FXYD6: variants seen among roughly 807,000 people sequenced by gnomAD.
FXYD6 encodes the protein FXYD domain containing ion transport regulator 6.
Under a neutral mutation model 16.7 loss-of-function variants are expected in FXYD6, and 7 were observed. That is an observed-to-expected ratio of 0.42 (90% CI 0.24 to 0.79). The LOEUF is 0.79. Among genes scored for constraint, FXYD6 ranks in the 30% least tolerant of loss-of-function variants. FXYD6 has a pLI of 0.28. For synonymous variants in FXYD6, 49 were observed against 43.0 expected, an observed-to-expected ratio of 1.14 and a Z score of -0.54; for missense variants, 111 against 116.2, an observed-to-expected ratio of 0.95 and a Z score of 0.21.
chr11:117,858,505 A>C (rs1023353429), intron 1 of FXYD6, among the ~76,000 whole-genome samples: 2 of 151,876 alleles, frequency 1.3e-5, no homozygotes, highest in Admixed American at 6.6e-5. Context: ...ACTCAGCCTC[A>C]CACCCCCAAC....
rs1425549790 is a variant in FXYD6 at position 117,876,636 on chromosome 11, G to C, written c.-50C>G. On this transcript the variant is annotated 5_prime_UTR_variant, in exon 1 of 8. Coordinates refer to ENST00000526014, the MANE Select transcript of FXYD6 (RefSeq NM_022003.4). ...CGAGACTCCCAGGAGGACCCGCCGAGTCCCGAGGAGCCTGGGAGTGGCGGG... is the reference window on the plus strand; with the variant it reads ...CGAGACTCCCAGGAGGACCCGCCGACTCCCGAGGAGCCTGGGAGTGGCGGG... 1 of 152,282 alleles carries C rather than the reference G, an allele frequency of 6.6e-6. No homozygotes were observed. 9.4% of individuals were successfully genotyped at this position (152,282 alleles called of 1,614,324 possible).
intron 1 of FXYD6, among the ~76,000 whole-genome samples, chr11:117,847,219 T>C (rs1422903664): frequency 1.3e-5 from 2 of 152,210 alleles, no homozygotes; most frequent in Non-Finnish European, 2.9e-5. Flanking sequence ...TCCAATAATC[T>C]TGTTAAACTC....
At chr11:117,842,923 A>G in intron 1 of FXYD6, 142 bp from the exon 2 acceptor site, 1 of 813,232 alleles carries the variant, frequency 1.2e-6, no homozygotes, top group South Asian at 1.6e-5. Context: ...AAACAACCTA[A>G]GCACAAGCAG....
intron 1 of FXYD6, among the ~76,000 whole-genome samples, chr11:117,876,053 T>C (rs2134225281): frequency 6.6e-6 from 1 of 152,200 alleles, no homozygotes; most frequent in East Asian, 1.9e-4. Flanking sequence ...CCCCGAGCGC[T>C]AGAATCCTTC....
rs578034374 is a variant in FXYD6, at chr11:117,847,630, T to C, written c.-5-4849A>G. The stretch of plus-strand genomic sequence containing the variant: ...CATGCGGTGTTTGGTTTTTTTGTCC[T>C]TATGATAGTTTTCTGAGAATGATGG... On this transcript the variant is annotated intron_variant, in intron 1 of 7. Transcript: ENST00000526014. 3.3e-5 allele frequency among the ~76,000 whole-genome samples: 5 copies of C among 151,644 alleles called. No homozygotes were observed. The South Asian group carries it at 1.0e-3, about 32-fold the overall frequency.
At chr11:117,838,574 G>GAA in intron 7 of FXYD6, 9 of 350,472 alleles carry the variant, frequency 2.6e-5, no homozygotes, top group South Asian at 1.1e-4. Context: ...ACTAGTTTGG[G>GAA]AAAAAAAAAA....
chr11:117,865,152 A>T (rs2056987770), intron 1 of FXYD6, among the ~76,000 whole-genome samples: 3 of 152,212 alleles, frequency 2.0e-5, no homozygotes, highest in Non-Finnish European at 4.4e-5. Context: ...GCAAATCAAA[A>T]CTACAATGCG....
intron 1 of FXYD6, among the ~76,000 whole-genome samples, chr11:117,868,061 GC>G (rs533505564): frequency 3.5e-4 from 54 of 152,272 alleles, no homozygotes; most frequent in African/African-American, 1.3e-3. Flanking sequence ...CTCCAAGAGC[GC>G]CTGTCGCCTG....
chr11:117,854,084 C>T (rs571119738), intron 1 of FXYD6, among the ~76,000 whole-genome samples: 1 of 152,224 alleles, frequency 6.6e-6, no homozygotes, highest in South Asian at 2.1e-4. Flanking sequence ...CTCCAGTTTA[C>T]TGCTGCTTCC....
rs374508698 is a variant in FXYD6 at position 117,853,807 on chromosome 11, G to A, written c.-5-11026C>T. 6.6e-5 allele frequency among the ~76,000 whole-genome samples: 10 copies of A among 152,160 alleles called. No individual in the cohort carries two copies. In the South Asian group the frequency reaches 1.9e-3, roughly 28 times the overall value. ...CATGCCTGGCCCAGTTATCTCATGG[G>A]GTTTTTGTTTTGTTTTGTCTTTTTG... On this transcript the variant is annotated intron_variant, in intron 1 of 7. Coordinates refer to ENST00000526014, the MANE Select transcript of FXYD6 (RefSeq NM_022003.4).
intron 1 of FXYD6, among the ~76,000 whole-genome samples, chr11:117,860,360 G>A (rs2056876689): frequency 6.6e-6 from 1 of 152,202 alleles, no homozygotes; most frequent in South Asian, 2.1e-4. Context: ...AGCAGGCTGA[G>A]GCAGCGAGAT....
intron 1 of FXYD6, chr11:117,843,742 T>G (rs1240588384): frequency 6.6e-6 from 1 of 152,188 alleles, no homozygotes; most frequent in Non-Finnish European, 1.5e-5. Flanking sequence ...CAAAAGGAGT[T>G]TGAAGGCTGG....
intron 1 of FXYD6, among the ~76,000 whole-genome samples, chr11:117,864,200 T>C (rs1278115748): frequency 6.6e-6 from 1 of 152,198 alleles, no homozygotes; most frequent in Non-Finnish European, 1.5e-5. Flanking sequence ...CAAATTCTAC[T>C]ACAAGGCTAC....
At chr11:117,871,545 G>A (rs988277449) in intron 1 of FXYD6, among the ~76,000 whole-genome samples, 3 of 152,192 alleles carry the variant, frequency 2.0e-5, no homozygotes, top group African/African-American at 4.8e-5. Flanking sequence ...CACGGTATAT[G>A]AGTATGTTTA....
intron 1 of FXYD6, among the ~76,000 whole-genome samples, chr11:117,864,635 G>A (rs2056975955): frequency 1.3e-5 from 2 of 152,106 alleles, no homozygotes; most frequent in African/African-American, 4.8e-5. Flanking sequence ...TGCCCAGGCT[G>A]GAGTGCAACG....
chr11:117,843,083 G>A (rs1215153729), intron 1 of FXYD6, among the ~76,000 whole-genome samples: 1 of 152,144 alleles, frequency 6.6e-6, no homozygotes, highest in Non-Finnish European at 1.5e-5. Flanking sequence ...AGAGGCGTGT[G>A]CCATCATGCC....
intron 1 of FXYD6, among the ~76,000 whole-genome samples, chr11:117,858,041 C>T (rs2134175584): frequency 6.6e-6 from 1 of 152,234 alleles, no homozygotes; most frequent in South Asian, 2.1e-4. Context: ...TGCTTTCAGA[C>T]AAAAGATAAA....
chr11:117,854,539 G>A (rs1386293324), intron 1 of FXYD6, among the ~76,000 whole-genome samples: 2 of 152,218 alleles, frequency 1.3e-5, no homozygotes, highest in East Asian at 3.8e-4. Context: ...AGGATAAGTA[G>A]GTGAACAAGA....
At chr11:117,857,798 C>A (rs1591575133) in intron 1 of FXYD6, among the ~76,000 whole-genome samples, 1 of 152,082 alleles carries the variant, frequency 6.6e-6, no homozygotes. Context: ...TCGTGCTAAG[C>A]AAGACCTCTT....
Sources: gnomAD v4.1 joint callset for allele counts (sites outside exome capture counted in the v4.1 genomes callset) on GRCh38, gnomAD v4.1.1 for gene constraint, MANE v1.5 for transcripts, NCBI Gene and HGNC (gene_info 2026-07-23, HGNC 2026-07-21) for gene names.